MPHOSPH8: variants seen among roughly 807,000 people sequenced by gnomAD.
MPHOSPH8 encodes the protein M-phase phosphoprotein 8, also known as M-phase phosphoprotein, mpp.
A neutral mutation model predicts 87.3 loss-of-function variants in MPHOSPH8; 45 were observed. The observed-to-expected ratio is 0.52, with a 90% confidence interval of 0.41 to 0.66. The LOEUF (loss-of-function observed/expected upper bound fraction) is 0.66, where lower values mean the gene tolerates loss of function less well. MPHOSPH8 is among the 30% of genes least tolerant of loss of function. The pLI is 0.00. For synonymous variants in MPHOSPH8, 366 were observed against 376.9 expected, an observed-to-expected ratio of 0.97 and a Z score of 0.33; for missense variants, 883 against 1,020.2, an observed-to-expected ratio of 0.87 and a Z score of 1.83.
intron 2 of MPHOSPH8, among the ~76,000 whole-genome samples, chr13:19,646,229 G>T (rs1290745735): frequency 1.3e-5 from 2 of 152,126 alleles, no homozygotes; most frequent in Non-Finnish European, 2.9e-5. Context: ...GTGCACCCCT[G>T]CCTTCCAGAC....
chr13:19,665,171 CTTAT>C (rs934527570), intron 9 of MPHOSPH8, among the ~76,000 whole-genome samples: 2 of 151,986 alleles, frequency 1.3e-5, no homozygotes, highest in African/African-American at 4.8e-5. Flanking sequence ...ACATGTAGCA[CTTAT>C]TTATTTTACT....
intron 1 of MPHOSPH8, among the ~76,000 whole-genome samples, chr13:19,637,091 C>T (rs1485288008): frequency 6.6e-6 from 1 of 152,168 alleles, no homozygotes; most frequent in Non-Finnish European, 1.5e-5. Flanking sequence ...AACATAGTGA[C>T]CACGTTCAAT....
intron 2 of MPHOSPH8, among the ~76,000 whole-genome samples, chr13:19,642,908 A>G (rs994730779): frequency 3.3e-5 from 5 of 152,200 alleles, no homozygotes; most frequent in Non-Finnish European, 5.9e-5. Context: ...AGTGCCTGGC[A>G]TTTATTGAGC....
In MPHOSPH8 at chr13:19,661,853, A is replaced by G. The variant is rs763483518; in HGVS notation, c.1932+15A>G. On this transcript the variant is annotated intron_variant, in intron 8 of 13. Coordinates refer to ENST00000361479, the MANE Select transcript of MPHOSPH8 (RefSeq NM_017520.4). The stretch of plus-strand genomic sequence containing the variant: ...CTGCAGAGAAGGTTTGTGGCTTCTT[A>G]TGCATCAGTTTCAGAGCTTTCATGG... 3.8e-6 allele frequency: 6 copies of G among 1,596,156 alleles called. No homozygotes were observed. Among genetic ancestry groups the G allele is most frequent in the Non-Finnish European group, 1.7e-6 (2 of 1,169,734 alleles).
chr13:19,658,411 A>C (rs530539563), intron 5 of MPHOSPH8, among the ~76,000 whole-genome samples: 1 of 152,184 alleles, frequency 6.6e-6, no homozygotes, highest in African/African-American at 2.4e-5. Flanking sequence ...GGCTGAACAC[A>C]TGCGTCCTCA....
At chr13:19,671,734 C>A in intron 13 of MPHOSPH8, 100 bp from the exon 14 acceptor site, 1 of 1,060,408 alleles carries the variant, frequency 9.4e-7, no homozygotes, top group South Asian at 1.4e-5. Flanking sequence ...GAAAATATTG[C>A]CAAATAATAG....
intron 5 of MPHOSPH8, among the ~76,000 whole-genome samples, chr13:19,656,583 A>C (rs1358543631): frequency 6.6e-6 from 1 of 151,960 alleles, no homozygotes; most frequent in Non-Finnish European, 1.5e-5. Flanking sequence ...AACATGGTGA[A>C]ACCCCGTCTC....
intron 5 of MPHOSPH8, among the ~76,000 whole-genome samples, chr13:19,657,847 AG>A (rs1326104807): frequency 6.6e-6 from 1 of 152,164 alleles, no homozygotes; most frequent in Non-Finnish European, 1.5e-5. Flanking sequence ...GGGGCATAGC[AG>A]GTGGGGGCTT....
At position 19,646,820 on chromosome 13, in the gene MPHOSPH8, T is replaced by C. The variant is rs369939912; in HGVS notation, c.747T>C (p.Asn249=). 9 of 1,592,306 alleles carry C rather than the reference T, an allele frequency of 5.7e-6. No homozygotes were observed. In the African/African-American group the frequency reaches 1.1e-4, roughly 19 times the overall value. ...AAACAAGAGAAGATCCCAAAGAAAATAGAAAAACAAAAAAAGAAAAATTTG... is the reference window on the plus strand; with the variant it reads ...AAACAAGAGAAGATCCCAAAGAAAACAGAAAAACAAAAAAAGAAAAATTTG... ...KTKTREDPKE[N]RKTKKEKFVE... Residue 249 remains asparagine (N), a synonymous_variant, in exon 3 of 14, where the codon AAT becomes AAC. Coordinates refer to ENST00000361479, the MANE Select transcript of MPHOSPH8 (RefSeq NM_017520.4).
At chr13:19,670,910 C>A in intron 12 of MPHOSPH8, 1 of 989,046 alleles carries the variant, frequency 1.0e-6, no homozygotes, top group Non-Finnish European at 1.4e-6. Context: ...GTCTTGACTT[C>A]CCAGGCACAA....
intron 9 of MPHOSPH8, among the ~76,000 whole-genome samples, chr13:19,665,392 G>A (rs978453383): frequency 6.6e-6 from 1 of 152,126 alleles, no homozygotes; most frequent in Non-Finnish European, 1.5e-5. Context: ...ACCAGAGTGG[G>A]CAGGTGCAGA....
rs1873863885 is a variant in MPHOSPH8, at chr13:19,634,112, G to T, written c.213+151G>T. 7.0e-6 allele frequency: 6 copies of T among 852,686 alleles called. No individual in the cohort carries two copies. The Admixed American group carries it at 1.4e-4, about 20-fold the overall frequency. 52.8% of individuals were successfully genotyped at this position (852,686 alleles called of 1,614,324 possible). A position where few individuals can be genotyped will look rare whatever the true frequency, so the allele number is the denominator to read the frequency against. On this transcript the variant is annotated intron_variant, in intron 1 of 13. Transcript: ENST00000361479. Reference sequence around the variant, plus strand: ...AAGCACGCGAAATCGTGGGAAAAGCGAAGTGACATTTCCAACTGCACTCTT... The same window carrying T: ...AAGCACGCGAAATCGTGGGAAAAGCTAAGTGACATTTCCAACTGCACTCTT...
At chr13:19,666,292 C>G in intron 9 of MPHOSPH8, 133 bp from the exon 10 acceptor site, 1 of 948,398 alleles carries the variant, frequency 1.1e-6, no homozygotes, top group Non-Finnish European at 1.5e-6. Context: ...TGACGGGCCC[C>G]AAAAGTTCTC....
chr13:19,659,230 GATTAT>G lies in MPHOSPH8; in HGVS notation c.1737_1741del (p.Ile580CysfsTer6). 1 of 1,612,798 alleles carries G rather than the reference GATTAT, an allele frequency of 6.2e-7. No individual in the cohort carries two copies. Reference sequence around the variant, plus strand: ...GTTAAGGGATGCTGTGAAAAATGGGGATTATATTACTGTAAAAGTTGCACTTAATT... The same window carrying G: ...GTTAAGGGATGCTGTGAAAAATGGGGATTACTGTAAAAGTTGCACTTAATT... On this transcript the variant is annotated frameshift_variant, in exon 7 of 14. Coordinates refer to ENST00000361479, the MANE Select transcript of MPHOSPH8 (RefSeq NM_017520.4). LOFTEE classifies it high-confidence loss of function.
chr13:19,664,053 G>T (rs1271241878), intron 9 of MPHOSPH8, among the ~76,000 whole-genome samples: 1 of 152,092 alleles, frequency 6.6e-6, no homozygotes, highest in African/African-American at 2.4e-5. Context: ...GCACCATCAT[G>T]ACTCACTGAT....
At position 19,647,039 on chromosome 13, in the gene MPHOSPH8, G is replaced by A. The variant is rs141831757; in HGVS notation, c.966G>A (p.Glu322=). The change falls in exon 3 of 14, where the codon GAG becomes GAA. Residue 322 remains glutamate (E), a synonymous_variant. Transcript: ENST00000361479. ...TAGACAGTGCCATGAGTGCTGAGGAGGATACCGATGTCAGAGGCAGGAGGA... is the reference window on the plus strand; with the variant it reads ...TAGACAGTGCCATGAGTGCTGAGGAAGATACCGATGTCAGAGGCAGGAGGA... ...KPLDSAMSAE[E]DTDVRGRRKK... 5 of 1,606,912 alleles carry A rather than the reference G, an allele frequency of 3.1e-6. No individual in the cohort carries two copies. The African/African-American group carries it at 6.8e-5, about 22-fold the overall frequency.
chr13:19,671,855 T>C lies in MPHOSPH8; in HGVS notation c.2563T>C (p.Tyr855His), dbSNP rs1214921631. The C allele has an allele frequency of 1.9e-6, 3 of 1,614,156 alleles. No homozygotes were observed. The highest frequency in any genetic ancestry group is 1.6e-4 in the Middle Eastern group (1 of 6,062). Residue 855 changes from tyrosine (Y) to histidine (H), a missense_variant, in exon 14 of 14, where the codon TAC becomes CAC. By Grantham distance (83) the Tyr-to-His change is moderately conservative. Around this residue, in one of 3 missense-constraint regions of MPHOSPH8, gnomAD observed 741 missense variants for 841.5 expected, o/e 0.88. Transcript: ENST00000361479. ...ACAGGTTAAGTTGCTAATAGGTGCA[T>C]ACAGAGTGCAGCTGCAGTGACCAAA... Reference protein sequence around the residue: ...SAKVKLLIGAYRVQLQ With the variant: ...SAKVKLLIGAHRVQLQ
At chr13:19,665,090 G>C (rs766842957) in intron 9 of MPHOSPH8, among the ~76,000 whole-genome samples, 1 of 152,078 alleles carries the variant, frequency 6.6e-6, no homozygotes, top group Non-Finnish European at 1.5e-5. Flanking sequence ...GTTGAGTTGG[G>C]GAGTGGGGTG....
At chr13:19,656,277 CAAAAAAAAA>C (rs71198922) in intron 5 of MPHOSPH8, among the ~76,000 whole-genome samples, 15 of 72,246 alleles carry the variant, frequency 2.1e-4, no homozygotes, top group Non-Finnish European at 3.3e-4. Flanking sequence ...AGACTGTTGT[CAAAAAAAAA>C]AAAAAAAAAA....
Sources: gnomAD v4.1 joint callset for allele counts (sites outside exome capture counted in the v4.1 genomes callset) on GRCh38, gnomAD v4.1.1 for gene constraint, gnomAD v4.1.1 regional missense constraint, MANE v1.5 for transcripts, NCBI Gene and HGNC (gene_info 2026-07-23, HGNC 2026-07-21) for gene names.